The following ULK2 variants were observed in gnomAD, a reference collection of about 807,000 sequenced individuals.
ULK2 encodes the protein serine/threonine-protein kinase ULK2.
In ULK2, 76 loss-of-function variants were observed where a neutral mutation model predicts 127.5. The ratio of observed to expected loss-of-function variants is 0.60; its 90% confidence interval spans 0.50 to 0.72. ULK2 has a LOEUF of 0.72. Ranked by LOEUF, ULK2 falls within the 30% of genes least tolerant of loss-of-function variation. ULK2 has a pLI of 0.00. For synonymous variants in ULK2, 452 were observed against 461.9 expected (o/e 0.98, Z 0.28); for missense variants, 1,144 against 1,295.9 (o/e 0.88, Z 1.80).
intron 21 of ULK2, among the ~76,000 whole-genome samples, chr17:19,784,222 C>T (rs983445135): frequency 1.3e-5 from 2 of 151,972 alleles, no homozygotes; most frequent in African/African-American, 4.8e-5. Context: ...TCAATGGATG[C>T]ACTGATTCAT....
intron 20 of ULK2, among the ~76,000 whole-genome samples, chr17:19,786,744 C>A (rs1380933861): frequency 6.7e-6 from 1 of 149,872 alleles, no homozygotes; most frequent in Non-Finnish European, 1.5e-5. Context: ...GAAAAGAAAT[C>A]AAAATAAAGA....
At chr17:19,807,648 T>C (rs1388836365) in intron 14 of ULK2, among the ~76,000 whole-genome samples, 1 of 151,974 alleles carries the variant, frequency 6.6e-6, no homozygotes, top group Non-Finnish European at 1.5e-5. Context: ...GAGCCAAAGA[T>C]GACTCAAGAA....
At chr17:19,781,606 G>A (rs1300221308) in intron 23 of ULK2, among the ~76,000 whole-genome samples, 1 of 152,122 alleles carries the variant, frequency 6.6e-6, no homozygotes, top group Non-Finnish European at 1.5e-5. Flanking sequence ...CATAGTTAAA[G>A]ATGTGTGTAC....
chr17:19,780,920 A>T, intron 24 of ULK2, 66 bp downstream of exon 24: 11 of 1,420,032 alleles, frequency 7.7e-6, no homozygotes, highest in East Asian at 2.3e-5. Flanking sequence ...ACACTCTCTC[A>T]CAGTGTGATG....
In ULK2 at chr17:19,776,351, A is replaced by T; in HGVS notation, c.3109T>A (p.Ter1037ArgextTer13). The T allele has an allele frequency of 6.2e-7, 1 of 1,604,602 alleles. No individual in the cohort carries two copies. ...SALCHSTATV[*>R] ...GGTCCACGGGATGAGCCTGCTGCTC[A>T]CACGGTTGCGGTGCTATGGCAGAGC... is the stretch of plus-strand genomic sequence containing the variant. Residue 1037 changes from the stop codon to arginine, a stop_lost, in exon 27 of 27, where the codon TGA (stop) becomes AGA (arginine). Coordinates refer to ENST00000395544, the MANE Select transcript of ULK2 (RefSeq NM_014683.4).
chr17:19,801,344 C>T (rs957452054), intron 16 of ULK2, among the ~76,000 whole-genome samples: 2 of 152,100 alleles, frequency 1.3e-5, no homozygotes, highest in East Asian at 1.9e-4. Context: ...AAGGCCAAGG[C>T]GAGTGGATGC....
At chr17:19,855,751 T>C (rs1166264309) in intron 3 of ULK2, 1 of 152,206 alleles carries the variant, frequency 6.6e-6, no homozygotes, top group Non-Finnish European at 1.5e-5. Flanking sequence ...AGTGCCCAAG[T>C]CCTAACAATT....
intron 21 of ULK2, 35 bp from the exon 22 acceptor site, chr17:19,783,940 G>C (rs2152382301): frequency 7.2e-7 from 1 of 1,387,358 alleles, no homozygotes; most frequent in Non-Finnish European, 9.4e-7. Flanking sequence ...GCAGTGTCCA[G>C]AGTTAGGGCT....
chr17:19,825,503 A>C (rs1003964998), intron 11 of ULK2, among the ~76,000 whole-genome samples: 1 of 152,182 alleles, frequency 6.6e-6, no homozygotes, highest in Non-Finnish European at 1.5e-5. Flanking sequence ...TGAGGTCAGG[A>C]GTTTGAGACC....
At chr17:19,777,383 G>A (rs1173576243) in intron 26 of ULK2, among the ~76,000 whole-genome samples, 198 bp downstream of exon 26, 1 of 152,200 alleles carries the variant, frequency 6.6e-6, no homozygotes, top group African/African-American at 2.4e-5. Context: ...GGGATTACAG[G>A]CGTGAGACAC....
chr17:19,786,119 C>A, intron 20 of ULK2, 33 bp from the exon 21 acceptor site: 2 of 1,549,600 alleles, frequency 1.3e-6, no homozygotes, highest in Non-Finnish European at 1.7e-6. Flanking sequence ...GGTCATATTA[C>A]CCTGATAGTG....
At chr17:19,856,026 A>G (rs1480375727) in intron 3 of ULK2, 3 of 152,204 alleles carry the variant, frequency 2.0e-5, no homozygotes, top group South Asian at 2.1e-4. Context: ...TCATTTCTAA[A>G]TAAGTATTTA....
chr17:19,795,196 G>C (rs1157976090), intron 20 of ULK2, among the ~76,000 whole-genome samples: 1 of 151,796 alleles, frequency 6.6e-6, no homozygotes, highest in East Asian at 1.9e-4. Context: ...GATATACATG[G>C]GTGGTCATGA....
intron 10 of ULK2, among the ~76,000 whole-genome samples, chr17:19,834,184 G>A (rs1387925679): frequency 6.7e-6 from 1 of 149,744 alleles, no homozygotes; most frequent in African/African-American, 2.5e-5. Flanking sequence ...ACTGGCTGGA[G>A]AAAATCCTAA....
Position 19,845,363 on chromosome 17 carries a change from C to A in ULK2, c.484G>T (p.Ala162Ser). ...IRIKIADFGF[A>S]RYLHSNMMAA... ...ATCATGTTACTATGTAGGTAACGAG[C>A]AAAACCAAAATCCGCTATTTCACAA... Residue 162 changes from alanine to serine, a missense_variant, in exon 7 of 27, where the codon GCT (alanine) becomes TCT (serine). Physicochemically the swap from Ala to Ser is moderately conservative, Grantham distance 99 (BLOSUM62 1). Transcript: ENST00000395544. The A allele has an allele frequency of 6.2e-7, 1 of 1,613,800 alleles. No individual in the cohort carries two copies. Among genetic ancestry groups the A allele is most frequent in the South Asian group, 1.1e-5 (1 of 91,070 alleles).
intron 24 of ULK2, 76 bp downstream of exon 24, chr17:19,780,906 TCAGA>T: frequency 7.6e-7 from 1 of 1,319,742 alleles, no homozygotes; most frequent in Admixed American, 1.8e-5. Flanking sequence ...TGAGTACTCA[TCAGA>T]CACTCTCTCA....
intron 11 of ULK2, 36 bp from the exon 12 acceptor site, chr17:19,825,218 G>C (rs777824140): frequency 6.3e-7 from 1 of 1,576,654 alleles, no homozygotes; most frequent in Non-Finnish European, 8.7e-7. Flanking sequence ...ACATCATTTT[G>C]TAGTGCAGTC....
At chr17:19,809,652 G>C (rs945202177) in intron 14 of ULK2, among the ~76,000 whole-genome samples, 19 of 141,810 alleles carry the variant, frequency 1.3e-4, no homozygotes, top group Admixed American at 2.3e-4. Flanking sequence ...AGAATCACTT[G>C]AACCCGGCAG....
At chr17:19,795,307 T>C (rs1255246074) in intron 20 of ULK2, among the ~76,000 whole-genome samples, 2 of 136,424 alleles carry the variant, frequency 1.5e-5, no homozygotes, top group Non-Finnish European at 1.5e-5. Flanking sequence ...CAGGAGTACA[T>C]GTAGGTTTAG....
Sources: allele counts gnomAD v4.1 joint callset (sites outside exome capture counted in the v4.1 genomes callset), GRCh38; gene constraint gnomAD v4.1.1; transcripts MANE v1.5; gene names NCBI Gene and HGNC (gene_info 2026-07-23, HGNC 2026-07-21).